The following NRG3 variants were observed in gnomAD, a reference collection of about 807,000 sequenced individuals.
NRG3 encodes neuregulin 3, also known as pro-neuregulin-3, membrane-bound isoform.
In NRG3, 31 loss-of-function variants were observed where a neutral mutation model predicts 66.9. That is an observed-to-expected ratio of 0.46 (90% CI 0.35 to 0.63). The LOEUF (loss-of-function observed/expected upper bound fraction) is 0.63. Among genes scored for constraint, NRG3 ranks in the 20% least tolerant of loss-of-function variants. The pLI is 0.00. For missense variants in NRG3, 910 were observed against 878.9 expected (o/e 1.04, Z -0.45); for synonymous variants, 393 against 359.4 (o/e 1.09, Z -1.06).
chr10:82,748,687 C>T (rs1247174651), intron 3 of NRG3, among the ~76,000 whole-genome samples: 1 of 149,818 alleles, frequency 6.7e-6, no homozygotes, highest in Admixed American at 6.7e-5. Flanking sequence ...ATGATTACTG[C>T]CAGGGACTGT....
At chr10:82,362,549 T>TTTTTTTTTTTTTG (rs1156733660) in intron 2 of NRG3, among the ~76,000 whole-genome samples, 1 of 11,986 alleles carries the variant, frequency 8.3e-5, no homozygotes, top group African/African-American at 3.0e-4. Flanking sequence ...AATTTCTGGG[T>TTTTTTTTTTTTTG]TTTTTTTTTT....
chr10:82,068,692 C>T (rs1282801169), intron 1 of NRG3, among the ~76,000 whole-genome samples: 3 of 151,870 alleles, frequency 2.0e-5, no homozygotes, highest in Admixed American at 2.0e-4. Context: ...CCAGAGGGAG[C>T]GGGCAGGGAA....
chr10:82,075,707 G>T (rs1278554460), intron 1 of NRG3, among the ~76,000 whole-genome samples: 1 of 151,870 alleles, frequency 6.6e-6, no homozygotes, highest in Admixed American at 6.6e-5. Context: ...TTTTTTCGAA[G>T]TGTATGCTGT....
intron 1 of NRG3, among the ~76,000 whole-genome samples, chr10:82,279,653 A>T (rs758857436): frequency 5.3e-5 from 8 of 152,302 alleles, no homozygotes; most frequent in Non-Finnish European, 1.0e-4. Flanking sequence ...CTGACAACGA[A>T]CACGGAGTGA....
chr10:82,542,914 C>T (rs910695831), intron 2 of NRG3, among the ~76,000 whole-genome samples: 8 of 146,138 alleles, frequency 5.5e-5, no homozygotes, highest in Admixed American at 2.1e-4. Flanking sequence ...TTTTTGAGAA[C>T]GAGTTTTGCT....
intron 3 of NRG3, among the ~76,000 whole-genome samples, chr10:82,836,698 TTTTTA>T (rs1263184196): frequency 1.4e-4 from 21 of 151,816 alleles, no homozygotes; most frequent in African/African-American, 4.6e-4. Context: ...CCATTTTCTT[TTTTTA>T]TTTTATTTTA....
intron 1 of NRG3, among the ~76,000 whole-genome samples, chr10:82,143,513 C>A (rs190846687): frequency 6.6e-6 from 1 of 152,188 alleles, no homozygotes; most frequent in African/African-American, 2.4e-5. Context: ...GCCTGTATTT[C>A]TTGTTTAAAA....
chr10:82,882,338 C>T (rs1323792411), intron 4 of NRG3, among the ~76,000 whole-genome samples: 1 of 152,162 alleles, frequency 6.6e-6, no homozygotes, highest in Non-Finnish European at 1.5e-5. Flanking sequence ...TTGTCTAAAT[C>T]AAATCCAGGT....
chr10:82,332,027 C>G (rs1466706201), intron 1 of NRG3, among the ~76,000 whole-genome samples: 1 of 152,142 alleles, frequency 6.6e-6, no homozygotes, highest in Admixed American at 6.5e-5. Context: ...TGTTTGCCCA[C>G]TGGTTGAAAT....
intron 1 of NRG3, among the ~76,000 whole-genome samples, chr10:81,971,006 G>A (rs2059913621): frequency 6.6e-6 from 1 of 152,242 alleles, no homozygotes; most frequent in South Asian, 2.1e-4. Context: ...TGGGCATGGT[G>A]GTGGGCCCCT....
chr10:82,597,756 A>G (rs2047371844), intron 2 of NRG3, among the ~76,000 whole-genome samples: 1 of 152,012 alleles, frequency 6.6e-6, no homozygotes, highest in Non-Finnish European at 1.5e-5. Context: ...CCCCGTCTCT[A>G]CGAAAAACAC....
rs573089419 is a variant in NRG3 at position 82,950,696 on chromosome 10, G to A, written c.1055-773G>A. ...ATAAACAGAAAGATGAAGACAAGACGAGGATAATTAACAGAGAAACTGCTG... is the reference window on the plus strand; with the variant it reads ...ATAAACAGAAAGATGAAGACAAGACAAGGATAATTAACAGAGAAACTGCTG... On this transcript the variant is annotated intron_variant, in intron 4 of 8. Transcript: ENST00000372141. 6.6e-5 allele frequency among the ~76,000 whole-genome samples: 10 copies of A among 152,280 alleles called. No individual in the cohort carries two copies. The East Asian group carries it at 1.4e-3, about 21-fold the overall frequency.
chr10:82,600,501 C>A (rs534782609), intron 2 of NRG3, among the ~76,000 whole-genome samples: 2 of 152,250 alleles, frequency 1.3e-5, no homozygotes, highest in Admixed American at 6.5e-5. Context: ...GACGGAGTCT[C>A]GCTCTGTCAC....
At chr10:82,633,087 C>A (rs1203944745) in intron 2 of NRG3, among the ~76,000 whole-genome samples, 1 of 152,186 alleles carries the variant, frequency 6.6e-6, no homozygotes, top group Non-Finnish European at 1.5e-5. Flanking sequence ...ATCACATTTT[C>A]ATCTGACTGT....
In NRG3 at chr10:82,802,721, C is replaced by T. The variant is rs576510025; in HGVS notation, c.1028-62690C>T. On this transcript the variant is annotated intron_variant, in intron 3 of 8. Transcript: ENST00000372141. ...AGGCTGGAGTGCAGTGGCCTGATCACGGCTCACTGAAGCTTTGATCTCCTG... is the reference window on the plus strand; with the variant it reads ...AGGCTGGAGTGCAGTGGCCTGATCATGGCTCACTGAAGCTTTGATCTCCTG... Among the ~76,000 whole-genome samples the T allele has an allele frequency of 2.0e-4, 31 of 152,060 alleles. No individual in the cohort carries two copies. The South Asian group carries it at 4.6e-3, about 22-fold the overall frequency.
At chr10:82,321,344 C>CAATGTA (rs1188657152) in intron 1 of NRG3, among the ~76,000 whole-genome samples, 1 of 152,058 alleles carries the variant, frequency 6.6e-6, no homozygotes, top group Non-Finnish European at 1.5e-5. Flanking sequence ...CCTGCAGCCC[C>CAATGTA]CCAAATAATT....
intron 2 of NRG3, among the ~76,000 whole-genome samples, chr10:82,728,137 C>T (rs1193100458): frequency 4.6e-5 from 7 of 152,088 alleles, no homozygotes; most frequent in African/African-American, 9.7e-5. Context: ...TCAGATGAGA[C>T]GTTGGACTGT....
chr10:82,635,756 A>C (rs1020047566), intron 2 of NRG3, among the ~76,000 whole-genome samples: 1 of 152,032 alleles, frequency 6.6e-6, no homozygotes, highest in Non-Finnish European at 1.5e-5. Flanking sequence ...TTCTTCTCAA[A>C]TAATGCAGTC....
In NRG3 at chr10:82,061,207, C is replaced by T. The variant is rs551123686; in HGVS notation, c.823+185044C>T. ...CTCTACTAAAAGTACAAAAATTAGC[C>T]GGGCGTGGTGGCGGGTGCCTGTAAT... On this transcript the variant is annotated intron_variant, in intron 1 of 8. Transcript: ENST00000372141. Among the ~76,000 whole-genome samples the T allele has an allele frequency of 3.8e-4, 58 of 152,034 alleles. 1 individual carries two copies. Among genetic ancestry groups the T allele is most frequent in the Admixed American group, 6.6e-4 (10 of 15,266 alleles).
Sources: gnomAD v4.1 joint callset for allele counts (sites outside exome capture counted in the v4.1 genomes callset) on GRCh38, gnomAD v4.1.1 for gene constraint, MANE v1.5 for transcripts, NCBI Gene and HGNC (gene_info 2026-07-23, HGNC 2026-07-21) for gene names.